Variants in SLCO3A1 observed in about 807,000 individuals in gnomAD.
The protein encoded by SLCO3A1 is PGE1 transporter.
In SLCO3A1, 27 loss-of-function variants were observed where a neutral mutation model predicts 63.1. The observed-to-expected ratio is 0.43, with a 90% CI of 0.32 to 0.59. The LOEUF is 0.59. Ranked by LOEUF, SLCO3A1 falls within the 20% of genes least tolerant of loss-of-function variation. The pLI, the probability that SLCO3A1 is intolerant of heterozygous loss-of-function variation, is 0.09. For synonymous variants in SLCO3A1, 473 were observed against 409.9 expected (o/e 1.15, Z -1.86); for missense variants, 773 against 945.8 (o/e 0.82, Z 2.40).
intron 2 of SLCO3A1, among the ~76,000 whole-genome samples, chr15:91,996,422 A>T (rs915026212): frequency 2.1e-4 from 32 of 151,774 alleles, no homozygotes; most frequent in Admixed American, 2.0e-3. Flanking sequence ...TTGCCCAAAT[A>T]TACCTGTAAT....
intron 2 of SLCO3A1, among the ~76,000 whole-genome samples, chr15:92,053,692 GT>G (rs1491517930): frequency 1.0e-4 from 3 of 28,934 alleles, no homozygotes; most frequent in Admixed American, 6.0e-4. Flanking sequence ...TTGTTTGTTT[GT>G]TTGTTTTTTT....
At chr15:91,893,515 T>C (rs1897926986) in intron 1 of SLCO3A1, among the ~76,000 whole-genome samples, 1 of 152,174 alleles carries the variant, frequency 6.6e-6, no homozygotes, top group African/African-American at 2.4e-5. Context: ...TGGCAACTCT[T>C]TGGGGCCTCT....
intron 4 of SLCO3A1, among the ~76,000 whole-genome samples, chr15:92,112,718 T>A (rs568744505): frequency 2.3e-3 from 343 of 152,314 alleles, no homozygotes; most frequent in African/African-American, 8.1e-3. Flanking sequence ...TGGGACACCG[T>A]AGACACTGTG....
chr15:92,100,359 C>T (rs1596101207), intron 3 of SLCO3A1, among the ~76,000 whole-genome samples: 1 of 152,188 alleles, frequency 6.6e-6, no homozygotes, highest in African/African-American at 2.4e-5. Context: ...TTAGAGTCCC[C>T]AGAATGTGCC....
chr15:92,164,966 G>T lies in SLCO3A1; in HGVS notation c.*1831G>T, dbSNP rs2048481249. ...CCTGGCGCTGGAAAAAAAACTCAAA[G>T]GTTGATTGGTTTGCTTTTTCACCTT... On this transcript the variant is annotated 3_prime_UTR_variant, in exon 10 of 10. Coordinates refer to ENST00000318445, the MANE Select transcript of SLCO3A1 (RefSeq NM_013272.4). The T allele has an allele frequency of 5.2e-6, 5 of 964,196 alleles. No homozygotes were observed. Among genetic ancestry groups the T allele is most frequent in the Non-Finnish European group, 6.1e-6 (5 of 821,596 alleles). 59.7% of individuals were successfully genotyped at this position (964,196 alleles called of 1,614,324 possible). A position where few individuals can be genotyped will look rare whatever the true frequency, so the allele number is the denominator to read the frequency against.
chr15:91,934,782 G>A (rs888160692), intron 2 of SLCO3A1, among the ~76,000 whole-genome samples: 1 of 151,982 alleles, frequency 6.6e-6, no homozygotes. Flanking sequence ...CTATTTTTCC[G>A]GTTGAACTTC....
intron 1 of SLCO3A1, among the ~76,000 whole-genome samples, chr15:91,888,546 T>C (rs1897784599): frequency 1.3e-5 from 2 of 151,850 alleles, no homozygotes; most frequent in East Asian, 3.8e-4. Context: ...GTCCTAGGCA[T>C]ATGAAATCTC....
chr15:92,157,424 G>GC (rs74572882), intron 9 of SLCO3A1, among the ~76,000 whole-genome samples: 2,767 of 149,496 alleles, frequency 0.019, 63 homozygotes, highest in African/African-American at 0.052. Flanking sequence ...AGTACACCTG[G>GC]CCCCCCCCCT....
chr15:91,972,476 A>G (rs1052537778), intron 2 of SLCO3A1, among the ~76,000 whole-genome samples: 4 of 152,152 alleles, frequency 2.6e-5, no homozygotes, highest in Non-Finnish European at 5.9e-5. Context: ...TGAACCAGAA[A>G]GTGGCCTTCC....
chr15:92,089,217 AG>A (rs2047442675), intron 2 of SLCO3A1, among the ~76,000 whole-genome samples: 1 of 151,954 alleles, frequency 6.6e-6, no homozygotes, highest in Non-Finnish European at 1.5e-5. Context: ...TAGTAGAGAC[AG>A]GGTTTCACCG....
At chr15:91,891,980 C>A (rs548630877) in intron 1 of SLCO3A1, among the ~76,000 whole-genome samples, 1 of 152,308 alleles carries the variant, frequency 6.6e-6, no homozygotes, top group East Asian at 1.9e-4. Flanking sequence ...TGGCCTTGGG[C>A]CATAGTATGT....
At chr15:91,926,596 T>TGTGTGCGCGCGC in intron 2 of SLCO3A1, among the ~76,000 whole-genome samples, 10 of 105,316 alleles carry the variant, frequency 9.5e-5, no homozygotes, top group African/African-American at 2.9e-4. Flanking sequence ...TGTGTGTGTG[T>TGTGTGCGCGCGC]GCGCGCGCGC....
At chr15:92,112,256 A>G (rs953720235) in intron 4 of SLCO3A1, among the ~76,000 whole-genome samples, 3 of 152,224 alleles carry the variant, frequency 2.0e-5, no homozygotes, top group Admixed American at 6.5e-5. Context: ...GGTTTTAGAA[A>G]AGGTCATGCT....
At chr15:92,120,323 C>CGCATCA in intron 4 of SLCO3A1, 142 bp from the exon 5 acceptor site, 1 of 754,652 alleles carries the variant, frequency 1.3e-6, no homozygotes, top group Non-Finnish European at 2.1e-6. Flanking sequence ...AGATTTTGGC[C>CGCATCA]TTAGCAACTG....
Position 91,897,183 on chromosome 15 carries a change from G to A in SLCO3A1, c.181-18810G>A, listed in dbSNP as rs187578620. 1.6e-3 allele frequency among the ~76,000 whole-genome samples: 248 copies of A among 152,300 alleles called. 1 individual carries two copies. The highest frequency in any genetic ancestry group is 2.7e-3 in the Non-Finnish European group (184 of 68,026). On this transcript the variant is annotated intron_variant, in intron 1 of 9. Transcript: ENST00000318445. The surrounding 1 kb of genome is among the most constrained non-coding windows in gnomAD (Gnocchi z 4.7). The stretch of plus-strand genomic sequence containing the variant: ...TTTAAAATAAAGACAGGCTGGATGC[G>A]GTGGTGCACGCCTGTAATCCCAGTA...
chr15:91,869,641 G>A (rs1377538596), intron 1 of SLCO3A1, among the ~76,000 whole-genome samples: 2 of 152,030 alleles, frequency 1.3e-5, no homozygotes, highest in African/African-American at 4.8e-5. Context: ...TGAGGCTGCA[G>A]TGAGCCGTAA....
At chr15:92,054,634 G>A (rs903591171) in intron 2 of SLCO3A1, among the ~76,000 whole-genome samples, 1 of 151,310 alleles carries the variant, frequency 6.6e-6, no homozygotes, top group Admixed American at 6.6e-5. Context: ...CCCAGGGTGT[G>A]TTGTTCCCCT....
chr15:92,060,287 C>T (rs1212671925), intron 2 of SLCO3A1, among the ~76,000 whole-genome samples: 3 of 152,018 alleles, frequency 2.0e-5, no homozygotes, highest in Non-Finnish European at 4.4e-5. Flanking sequence ...CAGCTGGGCT[C>T]GGTGGTTCAT....
At chr15:92,123,854 G>T (rs2047891151) in intron 5 of SLCO3A1, among the ~76,000 whole-genome samples, 1 of 152,184 alleles carries the variant, frequency 6.6e-6, no homozygotes, top group South Asian at 2.1e-4. Context: ...ATAGTCTTCA[G>T]GGCAGAAGGT....
Sources: gnomAD v4.1 joint callset for allele counts (sites outside exome capture counted in the v4.1 genomes callset) on GRCh38, gnomAD v4.1.1 for gene constraint, Gnocchi (gnomAD v3.1) non-coding constraint, MANE v1.5 for transcripts, NCBI Gene and HGNC (gene_info 2026-07-23, HGNC 2026-07-21) for gene names.